Variants in ACAT1 observed in about 807,000 individuals in gnomAD.
ACAT1 encodes acetyl-CoA acetyltransferase, mitochondrial.
In ACAT1, 28 loss-of-function variants were observed where a neutral mutation model predicts 47.3. The observed-to-expected ratio is 0.59, with a 90% CI of 0.44 to 0.81. The LOEUF is 0.81. ACAT1 is among the 30% of genes least tolerant of loss of function. ACAT1 has a pLI of 0.00. For synonymous variants in ACAT1, 181 were observed against 173.6 expected, an observed-to-expected ratio of 1.04 and a Z score of -0.34; for missense variants, 469 against 524.3, an observed-to-expected ratio of 0.89 and a Z score of 1.03.
Position 108,142,516 on chromosome 11 carries a change from GAGGCTC to G in ACAT1, c.908_913del (p.Arg303_Leu304del). 1 of 1,614,180 alleles carries G rather than the reference GAGGCTC, an allele frequency of 6.2e-7. No homozygotes were observed. The highest frequency in any genetic ancestry group is 1.1e-5 in the South Asian group (1 of 91,082). On this transcript the variant is annotated inframe_deletion, in exon 9 of 12. Coordinates refer to ENST00000265838, the MANE Select transcript of ACAT1 (RefSeq NM_000019.4). Reference sequence around the variant, plus strand: ...TTCTCATGACGGCAGATGCAGCGAAGAGGCTCAATGTTACACCACTGGCAAGAATAG... The same window carrying G: ...TTCTCATGACGGCAGATGCAGCGAAGAATGTTACACCACTGGCAAGAATAG...
chr11:108,121,692 G>A lies in ACAT1; in HGVS notation c.72+14G>A. ...AGGCTGGTGCAGGTGAGCGGGGTTC[G>A]TCCCCACAGCACTCAGACCCGGGAT... On this transcript the variant is annotated intron_variant, in intron 1 of 11. Coordinates refer to ENST00000265838, the MANE Select transcript of ACAT1 (RefSeq NM_000019.4). The A allele has an allele frequency of 6.5e-7, 1 of 1,547,210 alleles. No homozygotes were observed. The highest frequency in any genetic ancestry group is 8.7e-7 in the Non-Finnish European group (1 of 1,146,482).
chr11:108,142,166 C>A (rs2077602933), intron 8 of ACAT1, among the ~76,000 whole-genome samples: 1 of 152,124 alleles, frequency 6.6e-6, no homozygotes, highest in Non-Finnish European at 1.5e-5. Flanking sequence ...TAACTGGTCC[C>A]TATGTTTCAA....
At chr11:108,131,737 GCAGT>G (rs1183020634) in intron 1 of ACAT1, among the ~76,000 whole-genome samples, 166 bp from the exon 2 acceptor site, 1 of 151,972 alleles carries the variant, frequency 6.6e-6, no homozygotes, top group Non-Finnish European at 1.5e-5. Flanking sequence ...TTATTATAAA[GCAGT>G]CATTTTTTTC....
At chr11:108,117,432 T>C (rs761428372), upstream of ACAT1, among the ~76,000 whole-genome samples, 11 of 151,924 alleles carry the variant, frequency 7.2e-5, no homozygotes, top group Non-Finnish European at 1.5e-4. Flanking sequence ...CTCAGCCTCC[T>C]GAGTAGCTGG....
At chr11:108,136,473 G>A (rs1313985351) in intron 5 of ACAT1, 5 of 185,526 alleles carry the variant, frequency 2.7e-5, no homozygotes, top group Non-Finnish European at 3.3e-5. Flanking sequence ...AAACTGGTAG[G>A]TGAAAAACGG....
At chr11:108,118,144 G>T (rs1343738189), upstream of ACAT1, among the ~76,000 whole-genome samples, 3 of 152,138 alleles carry the variant, frequency 2.0e-5, no homozygotes, top group African/African-American at 7.2e-5. Flanking sequence ...TTGGCCAGGT[G>T]TGGTGGCTCA....
At chr11:108,143,890 T>C (rs1465038516) in intron 9 of ACAT1, 93 bp from the exon 10 acceptor site, 28 of 1,407,702 alleles carry the variant, frequency 2.0e-5, no homozygotes, top group Non-Finnish European at 2.7e-5. Flanking sequence ...GGCTAGGAAA[T>C]GTGCATTTAA....
chr11:108,125,444 C>T (rs1299708225), intron 1 of ACAT1, among the ~76,000 whole-genome samples: 2 of 152,166 alleles, frequency 1.3e-5, no homozygotes, highest in African/African-American at 4.8e-5. Flanking sequence ...GAGACACCAT[C>T]CCGCCATCAG....
intron 1 of ACAT1, among the ~76,000 whole-genome samples, chr11:108,125,392 G>A (rs979872848): frequency 2.0e-5 from 3 of 152,142 alleles, no homozygotes; most frequent in South Asian, 2.1e-4. Flanking sequence ...TTGAAGGAGC[G>A]CTAGGCACTG....
upstream of ACAT1, among the ~76,000 whole-genome samples, chr11:108,119,703 T>C (rs994883718): frequency 6.6e-6 from 1 of 152,166 alleles, no homozygotes; most frequent in African/African-American, 2.4e-5. Flanking sequence ...TGACATACAA[T>C]GTAATGACTT....
intron 7 of ACAT1, 121 bp downstream of exon 7, chr11:108,140,336 G>A: frequency 8.5e-7 from 1 of 1,177,278 alleles, no homozygotes; most frequent in East Asian, 2.4e-5. Context: ...AATAAAAAGT[G>A]AAGAGTTGCC....
intron 9 of ACAT1, chr11:108,143,703 C>A: frequency 3.3e-6 from 1 of 305,892 alleles, no homozygotes; most frequent in South Asian, 4.6e-5. Flanking sequence ...TAGTCTTTAC[C>A]CAGTGGCATC....
At chr11:108,139,164 T>C in intron 6 of ACAT1, 123 bp downstream of exon 6, 1 of 1,316,888 alleles carries the variant, frequency 7.6e-7, no homozygotes, top group South Asian at 1.2e-5. Context: ...TTTAGCCGTG[T>C]ACTTTTGGAG....
chr11:108,138,237 G>T (rs2077505630), intron 5 of ACAT1, among the ~76,000 whole-genome samples: 1 of 151,830 alleles, frequency 6.6e-6, no homozygotes, highest in Non-Finnish European at 1.5e-5. Context: ...AGCCCGCTTT[G>T]GCCTCCCAGA....
chr11:108,123,775 C>T (rs991910046), intron 1 of ACAT1, among the ~76,000 whole-genome samples: 8 of 152,168 alleles, frequency 5.3e-5, no homozygotes, highest in Non-Finnish European at 1.0e-4. Flanking sequence ...CCTGGCCTGC[C>T]AAAGTGCTGG....
chr11:108,128,046 C>A (rs922425036), intron 1 of ACAT1: 1 of 152,006 alleles, frequency 6.6e-6, no homozygotes, highest in Non-Finnish European at 1.5e-5. Context: ...TAAGCCCAGG[C>A]TCTTAACTGC....
At chr11:108,139,084 T>A (rs774498553) in intron 6 of ACAT1, 43 bp downstream of exon 6, 2 of 1,609,756 alleles carry the variant, frequency 1.2e-6, no homozygotes, top group Admixed American at 1.7e-5. Flanking sequence ...TAATGTCCAA[T>A]ACTGTTTGAT....
chr11:108,140,850 G>C (rs901972129), intron 7 of ACAT1, among the ~76,000 whole-genome samples: 1 of 152,152 alleles, frequency 6.6e-6, no homozygotes, highest in African/African-American at 2.4e-5. Context: ...AGGTCAGACA[G>C]CTGCCTCTGG....
At chr11:108,129,309 A>G (rs2077311873) in intron 1 of ACAT1, 1 of 152,096 alleles carries the variant, frequency 6.6e-6, no homozygotes, top group Non-Finnish European at 1.5e-5. Context: ...GGCTGGTTCC[A>G]TATTTTTGCA....
Sources: gnomAD v4.1 joint callset for allele counts (sites outside exome capture counted in the v4.1 genomes callset) on GRCh38, gnomAD v4.1.1 for gene constraint, MANE v1.5 for transcripts, NCBI Gene and HGNC (gene_info 2026-07-23, HGNC 2026-07-21) for gene names.